The following VAV2 variants were observed in gnomAD, a reference collection of about 807,000 sequenced individuals.
VAV2 encodes the protein guanine nucleotide exchange factor VAV2.
A neutral mutation model predicts 132.5 loss-of-function variants in VAV2; 67 were observed. The observed-to-expected ratio is 0.51, with a 90% CI of 0.42 to 0.62. VAV2 has a LOEUF of 0.62. Among genes scored for constraint, VAV2 ranks in the 20% least tolerant of loss-of-function variants. VAV2 has a pLI of 0.00. For synonymous variants in VAV2, 492 were observed against 443.5 expected, an observed-to-expected ratio of 1.11 and a Z score of -1.37; for missense variants, 938 against 1,153.6, an observed-to-expected ratio of 0.81 and a Z score of 2.71.
chr9:133,848,082 C>T (rs1273386094), intron 3 of VAV2, among the ~76,000 whole-genome samples: 1 of 152,042 alleles, frequency 6.6e-6, no homozygotes, highest in East Asian at 1.9e-4. Context: ...TCGAGACCAT[C>T]CTGGCTACCA....
At chr9:133,873,638 G>A (rs775465062) in intron 2 of VAV2, among the ~76,000 whole-genome samples, 1 of 152,222 alleles carries the variant, frequency 6.6e-6, no homozygotes, top group Non-Finnish European at 1.5e-5. Flanking sequence ...GTGTCCCAGG[G>A]CTGGGCAAGC....
intron 1 of VAV2, among the ~76,000 whole-genome samples, chr9:133,950,620 C>T (rs551354578): frequency 6.6e-6 from 1 of 152,200 alleles, no homozygotes; most frequent in African/African-American, 2.4e-5. Flanking sequence ...CTCTTTATAA[C>T]CATCTTCCCT....
intron 2 of VAV2, among the ~76,000 whole-genome samples, chr9:133,914,608 CAG>C (rs57784727): frequency 8.6e-5 from 8 of 93,132 alleles, no homozygotes; most frequent in Non-Finnish European, 1.2e-4. Context: ...TTCCTACCAC[CAG>C]AGAGAGAGAG....
intron 1 of VAV2, among the ~76,000 whole-genome samples, chr9:133,968,809 G>A (rs1425580497): frequency 6.6e-6 from 1 of 152,190 alleles, no homozygotes; most frequent in African/African-American, 2.4e-5. Flanking sequence ...CTCAGATCTG[G>A]AGGGTGTCTC....
At chr9:133,923,163 G>A (rs570739965) in intron 2 of VAV2, among the ~76,000 whole-genome samples, 43 of 152,230 alleles carry the variant, frequency 2.8e-4, no homozygotes, top group African/African-American at 8.9e-4. Context: ...GGCAGAGGAC[G>A]GCTATTACCA....
At chr9:133,799,088 C>A (rs900099997) in intron 9 of VAV2, among the ~76,000 whole-genome samples, 1 of 152,224 alleles carries the variant, frequency 6.6e-6, no homozygotes, top group Admixed American at 6.5e-5. Flanking sequence ...GGAGGGTGGC[C>A]CTCGGGGAGA....
At chr9:133,933,823 A>G (rs1350847592) in intron 2 of VAV2, among the ~76,000 whole-genome samples, 5 of 112,044 alleles carry the variant, frequency 4.5e-5, no homozygotes, top group Admixed American at 8.9e-5. Flanking sequence ...TGAATGGATG[A>G]GTGGATGGAT....
intron 26 of VAV2, 83 bp downstream of exon 26, chr9:133,771,876 C>T: frequency 7.7e-7 from 1 of 1,300,054 alleles, no homozygotes. Context: ...TCACAGAAAA[C>T]ATGGCCACTC....
chr9:133,992,053 C>T lies in VAV2; in HGVS notation c.204+22G>A. ...GCGCGAACGCCGCCTCCCCGGGGCC[C>T]TCCCGCCCGCCGGGCGCTCACCTGG... On this transcript the variant is annotated intron_variant, in intron 1 of 29. Coordinates refer to ENST00000371850, the MANE Select transcript of VAV2 (RefSeq NM_001134398.2). This position sits in a 1 kb window ranked among gnomAD's most constrained non-coding sequence, Gnocchi z 5.5. The T allele has an allele frequency of 6.6e-7, 1 of 1,524,774 alleles. No homozygotes were observed. The highest frequency in any genetic ancestry group is 8.8e-7 in the Non-Finnish European group (1 of 1,136,176). 94.5% of individuals were successfully genotyped at this position (1,524,774 alleles called of 1,614,324 possible).
At chr9:133,965,332 A>AT (rs1177306193) in intron 1 of VAV2, among the ~76,000 whole-genome samples, 1 of 151,650 alleles carries the variant, frequency 6.6e-6, no homozygotes, top group African/African-American at 2.4e-5. Context: ...TAAAAAAAAA[A>AT]AATAATAATA....
At position 133,833,724 on chromosome 9, in the gene VAV2, G is replaced by A. The variant is rs1252374124; in HGVS notation, c.449+548C>T. On this transcript the variant is annotated intron_variant, in intron 4 of 29. Coordinates refer to ENST00000371850, the MANE Select transcript of VAV2 (RefSeq NM_001134398.2). The surrounding 1 kb of genome is among the most constrained non-coding windows in gnomAD (Gnocchi z 5.6). Reference sequence around the variant, plus strand: ...GTGGCCAGGCTTGGGCAGCGCCTGGGTGGAGCAGAGGCCTCTCAGAGAGAG... The same window carrying A: ...GTGGCCAGGCTTGGGCAGCGCCTGGATGGAGCAGAGGCCTCTCAGAGAGAG... 6.6e-6 allele frequency among the ~76,000 whole-genome samples: 1 copy of A among 152,178 alleles called. No homozygotes were observed. The highest frequency in any genetic ancestry group is 1.5e-5 in the Non-Finnish European group (1 of 68,012).
chr9:133,887,015 A>AC (rs1350484672), intron 2 of VAV2, among the ~76,000 whole-genome samples: 1 of 146,244 alleles, frequency 6.8e-6, no homozygotes, highest in African/African-American at 2.5e-5. Flanking sequence ...CCCCCTCCCC[A>AC]CCCCGGGCCC....
chr9:133,830,610 TA>T (rs982746769), intron 4 of VAV2, among the ~76,000 whole-genome samples: 2 of 152,324 alleles, frequency 1.3e-5, no homozygotes, highest in African/African-American at 4.8e-5. Context: ...CTGAGTCAAC[TA>T]AACCTCTTTC....
At chr9:133,780,291 A>G (rs971948877) in intron 20 of VAV2, among the ~76,000 whole-genome samples, 2 of 152,070 alleles carry the variant, frequency 1.3e-5, no homozygotes, top group South Asian at 2.1e-4. Context: ...TCCATCCTCC[A>G]TGGAGGCTGG....
At chr9:133,785,320 T>C (rs1834175393) in intron 17 of VAV2, among the ~76,000 whole-genome samples, 1 of 152,192 alleles carries the variant, frequency 6.6e-6, no homozygotes, top group South Asian at 2.1e-4. Context: ...CTGTTTCACA[T>C]ATCTAGGATA....
At chr9:133,806,992 A>G (rs1835173994) in intron 8 of VAV2, among the ~76,000 whole-genome samples, 1 of 152,228 alleles carries the variant, frequency 6.6e-6, no homozygotes, top group Non-Finnish European at 1.5e-5. Context: ...CTTCATTTAC[A>G]TTCTCAGCGT....
chr9:133,863,877 G>T lies in VAV2; in HGVS notation c.322-2445C>A, dbSNP rs961132888. Among the ~76,000 whole-genome samples the T allele has an allele frequency of 2.6e-5, 4 of 152,128 alleles. No individual in the cohort carries two copies. The East Asian group carries it at 7.7e-4, about 29-fold the overall frequency. On this transcript the variant is annotated intron_variant, in intron 2 of 29. Coordinates refer to ENST00000371850, the MANE Select transcript of VAV2 (RefSeq NM_001134398.2). This position sits in a 1 kb window ranked among gnomAD's most constrained non-coding sequence, Gnocchi z 5.0. ...CCATGGGGTCAGATGGGGCAAAGCCGGCCCCATGTGAAACCCACTGGCCTG... is the reference window on the plus strand; with the variant it reads ...CCATGGGGTCAGATGGGGCAAAGCCTGCCCCATGTGAAACCCACTGGCCTG...
Position 133,804,946 on chromosome 9 carries a change from G to A in VAV2, c.836+1135C>T, listed in dbSNP as rs1835076640. Among the ~76,000 whole-genome samples, 1 of 152,182 alleles carries A rather than the reference G, an allele frequency of 6.6e-6. No homozygotes were observed. The highest frequency in any genetic ancestry group is 2.4e-5 in the African/African-American group (1 of 41,446). On this transcript the variant is annotated intron_variant, in intron 9 of 29. Coordinates refer to ENST00000371850, the MANE Select transcript of VAV2 (RefSeq NM_001134398.2). This position sits in a 1 kb window ranked among gnomAD's most constrained non-coding sequence, Gnocchi z 4.5. ...TGTCTCCGGGAACCCTCCAAGCCATGGCCCCTGGAGAGCAGGCTCCAGGAC... is the reference window on the plus strand; with the variant it reads ...TGTCTCCGGGAACCCTCCAAGCCATAGCCCCTGGAGAGCAGGCTCCAGGAC...
At chr9:133,869,297 AAAC>A (rs1281985905) in intron 2 of VAV2, among the ~76,000 whole-genome samples, 2 of 152,016 alleles carry the variant, frequency 1.3e-5, no homozygotes, top group South Asian at 2.1e-4. Context: ...CCCATCTCTT[AAAC>A]AACGACAACA....
Sources: allele counts gnomAD v4.1 joint callset (sites outside exome capture counted in the v4.1 genomes callset), GRCh38; gene constraint gnomAD v4.1.1; non-coding constraint Gnocchi (gnomAD v3.1); transcripts MANE v1.5; gene names NCBI Gene and HGNC (gene_info 2026-07-23, HGNC 2026-07-21).